Variants in RAF1 observed in about 807,000 individuals in gnomAD.
RAF1 encodes the protein RAF proto-oncogene serine/threonine-protein kinase.
RAF1 carries 27 observed loss-of-function variants against 81.1 expected under a neutral mutation model. The observed-to-expected ratio is 0.33, with a 90% CI of 0.25 to 0.46. RAF1 has a LOEUF of 0.46. RAF1 is among the 20% of genes least tolerant of loss of function. The pLI is 1.00. For missense variants in RAF1, 598 were observed against 826.0 expected, an observed-to-expected ratio of 0.72 and a Z score of 3.38; for synonymous variants, 298 against 294.0, an observed-to-expected ratio of 1.01 and a Z score of -0.14.
chr3:12,630,820 T>C (rs1575622769), intron 1 of RAF1, among the ~76,000 whole-genome samples: 1 of 152,156 alleles, frequency 6.6e-6, no homozygotes, highest in Non-Finnish European at 1.5e-5. Flanking sequence ...ATTTTTTCTT[T>C]TGGAGACAGG....
chr3:12,651,182 A>G (rs1159876259), intron 1 of RAF1, among the ~76,000 whole-genome samples: 3 of 152,202 alleles, frequency 2.0e-5, no homozygotes, highest in Non-Finnish European at 4.4e-5. Flanking sequence ...TAAACATTAC[A>G]TGTATTAGAG....
intron 8 of RAF1, among the ~76,000 whole-genome samples, chr3:12,601,877 G>A (rs1361875256): frequency 1.3e-5 from 2 of 152,200 alleles, no homozygotes; most frequent in African/African-American, 4.8e-5. Context: ...ATGTTTTGGA[G>A]GGGAATGTGA....
At position 12,590,980 on chromosome 3, in the gene RAF1, G is replaced by A. The variant is rs1009552683; in HGVS notation, c.1254-6C>T. ...TGTTCACATGCCGTGTTTTGCTGGGGAGGGGAGGGGAAGAGAGGAGAGGGA... is the reference window on the plus strand; with the variant it reads ...TGTTCACATGCCGTGTTTTGCTGGGAAGGGGAGGGGAAGAGAGGAGAGGGA... On this transcript the variant is annotated splice_polypyrimidine_tract_variant and splice_region_variant and intron_variant, in intron 12 of 17. Transcript: ENST00000442415. 5 of 1,604,596 alleles carry A rather than the reference G, an allele frequency of 3.1e-6. No homozygotes were observed. The African/African-American group carries it at 5.3e-5, about 17-fold the overall frequency.
intron 14 of RAF1, chr3:12,586,731 A>C (rs756829604): frequency 2.0e-5 from 3 of 152,226 alleles, no homozygotes; most frequent in Non-Finnish European, 4.4e-5. Context: ...GCCTCACAGC[A>C]TTAAAAATAC....
rs139595076 is a variant in RAF1, at chr3:12,614,429, T to TAC, written c.208-2368_208-2367insGT. Among the ~76,000 whole-genome samples the TAC allele has an allele frequency of 2.6e-4, 7 of 26,742 alleles. No homozygotes were observed. In the Admixed American group the frequency reaches 3.8e-3, roughly 14 times the overall value. 17.5% of individuals were successfully genotyped at this position (26,742 alleles called of 152,430 possible). A position where few individuals can be genotyped will look rare whatever the true frequency, so the allele number is the denominator to read the frequency against. On this transcript the variant is annotated intron_variant, in intron 2 of 17. Coordinates refer to ENST00000442415, the MANE Select transcript of RAF1 (RefSeq NM_001354689.3). ...ACGTGCGTGCGTGTGTGTGTGTGTG[T>TAC]AAAATCTATATTATATATACTGAGA... is the stretch of plus-strand genomic sequence containing the variant.
chr3:12,603,068 T>G (rs2125392140), intron 8 of RAF1, among the ~76,000 whole-genome samples: 1 of 152,312 alleles, frequency 6.6e-6, no homozygotes. Flanking sequence ...CTTAACATTT[T>G]TTGTTTGTTT....
intron 1 of RAF1, among the ~76,000 whole-genome samples, chr3:12,654,705 C>T (rs1235647991): frequency 1.3e-5 from 1 of 76,168 alleles, no homozygotes; most frequent in African/African-American, 4.0e-5. Flanking sequence ...TTTCTTCTTA[C>T]ACCTCACAAG....
chr3:12,626,198 A>G (rs1208539394), intron 1 of RAF1, among the ~76,000 whole-genome samples: 1 of 150,052 alleles, frequency 6.7e-6, no homozygotes, highest in East Asian at 2.0e-4. Flanking sequence ...GAGCCAAGAT[A>G]GCGCCATTGC....
intron 2 of RAF1, among the ~76,000 whole-genome samples, chr3:12,614,553 T>A (rs550392086): frequency 2.6e-5 from 4 of 151,766 alleles, no homozygotes; most frequent in African/African-American, 9.7e-5. Context: ...TGCCTCAGCC[T>A]CGGCTGGGAC....
At chr3:12,619,224 G>A (rs1368312937) in intron 1 of RAF1, among the ~76,000 whole-genome samples, 1 of 151,580 alleles carries the variant, frequency 6.6e-6, no homozygotes, top group Non-Finnish European at 1.5e-5. Flanking sequence ...CAGCCTGGGT[G>A]ACAGAGCAAG....
intron 2 of RAF1, among the ~76,000 whole-genome samples, chr3:12,614,358 A>G (rs2059307729): frequency 6.6e-6 from 1 of 152,118 alleles, no homozygotes; most frequent in South Asian, 2.1e-4. Context: ...TGGTTAGCTA[A>G]GTGTTGAAAG....
At position 12,584,677 on chromosome 3, in the gene RAF1, T is replaced by A. The variant is rs2125317648; in HGVS notation, c.1864-20A>T. On this transcript the variant is annotated intron_variant, in intron 17 of 17. Transcript: ENST00000442415. ...CAGGATCTGAAACAAAGCCCAAGAA[T>A]GCTCTCATTAGCTGTGTCTCAAAGA... The A allele has an allele frequency of 6.2e-7, 1 of 1,614,080 alleles. No homozygotes were observed. The highest frequency in any genetic ancestry group is 1.1e-5 in the South Asian group (1 of 91,068).
At chr3:12,609,120 AC>A (rs1297295737) in intron 4 of RAF1, 112 bp downstream of exon 4, 2 of 1,055,770 alleles carry the variant, frequency 1.9e-6, no homozygotes, top group East Asian at 4.8e-5. Context: ...AGCATAAAGA[AC>A]TTTAAACAAT....
Position 12,639,906 on chromosome 3 carries a change from G to A in RAF1, c.-26-21159C>T, listed in dbSNP as rs2060133534. Among the ~76,000 whole-genome samples the A allele has an allele frequency of 2.0e-5, 3 of 152,234 alleles. No homozygotes were observed. In the East Asian group the frequency reaches 5.8e-4, roughly 29 times the overall value. Reference sequence around the variant, plus strand: ...ATGGAACCAAAAAAGAGCCTGCATTGCCAAGACAATCCTAAGCAAAAAGAA... The same window carrying A: ...ATGGAACCAAAAAAGAGCCTGCATTACCAAGACAATCCTAAGCAAAAAGAA... On this transcript the variant is annotated intron_variant, in intron 1 of 17. Transcript: ENST00000442415.
chr3:12,585,985 AGGCAGGGATT>A (rs768237518), intron 14 of RAF1, 186 bp from the exon 14 acceptor site: 5 of 595,994 alleles, frequency 8.4e-6, no homozygotes, highest in Non-Finnish European at 1.5e-5. Flanking sequence ...TCCAGAAGAC[AGGCAGGGATT>A]GGTCAATGTG....
chr3:12,597,081 GTA>G (rs2058710333), intron 11 of RAF1, among the ~76,000 whole-genome samples: 1 of 152,030 alleles, frequency 6.6e-6, no homozygotes, highest in South Asian at 2.1e-4. Flanking sequence ...TGTATTTTTA[GTA>G]GAGACGGGGT....
intron 1 of RAF1, among the ~76,000 whole-genome samples, chr3:12,657,934 G>T (rs1021709809): frequency 6.6e-6 from 1 of 151,294 alleles, no homozygotes; most frequent in Non-Finnish European, 1.5e-5. Flanking sequence ...ACATCCCTCA[G>T]CCCCTGATCT....
chr3:12,641,143 C>T (rs1419638059), intron 1 of RAF1, among the ~76,000 whole-genome samples: 1 of 140,180 alleles, frequency 7.1e-6, no homozygotes, highest in Non-Finnish European at 1.5e-5. Context: ...TATTCTCACA[C>T]ATAGGTGGGA....
intron 1 of RAF1, among the ~76,000 whole-genome samples, chr3:12,631,233 A>T (rs1353547843): frequency 1.3e-5 from 2 of 152,166 alleles, no homozygotes; most frequent in Non-Finnish European, 2.9e-5. Context: ...TAGAATTATG[A>T]AGTTCAGAAG....
Sources: allele counts gnomAD v4.1 joint callset (sites outside exome capture counted in the v4.1 genomes callset), GRCh38; gene constraint gnomAD v4.1.1; transcripts MANE v1.5; gene names NCBI Gene and HGNC (gene_info 2026-07-23, HGNC 2026-07-21).